The following MID1 variants were observed in gnomAD, a reference collection of about 807,000 sequenced individuals.
The protein encoded by MID1 is E3 ubiquitin-protein ligase Midline-1.
MID1 carries 7 observed loss-of-function variants against 40.4 expected under a neutral mutation model. The ratio of observed to expected loss-of-function variants is 0.17; its 90% CI spans 0.10 to 0.33. The LOEUF (loss-of-function observed/expected upper bound fraction) is 0.33. Among genes scored for constraint, MID1 ranks in the 10% least tolerant of loss-of-function variants. MID1 has a pLI of 1.00. For synonymous variants in MID1, 229 were observed against 221.2 expected, an observed-to-expected ratio of 1.04 and a Z score of -0.31; for missense variants, 367 against 558.5, an observed-to-expected ratio of 0.66 and a Z score of 3.46.
At chrX:10,532,771 GT>G (rs55826454) in intron 2 of MID1, among the ~76,000 whole-genome samples, 26,863 of 101,533 alleles carry the variant, frequency 0.26, 3,276 homozygotes, top group Non-Finnish European at 0.37. Context: ...GCTAAGAATG[GT>G]TTTTTTTTTT....
At chrX:10,639,903 T>A (rs190260057) in intron 1 of MID1, among the ~76,000 whole-genome samples, 1,283 of 111,537 alleles carry the variant, frequency 0.012, 17 homozygotes, top group African/African-American at 0.04. Context: ...GAATTTCATA[T>A]CCAGCCAAAC....
At chrX:10,559,448 T>C (rs944761253) in intron 2 of MID1, among the ~76,000 whole-genome samples, 2 of 112,715 alleles carry the variant, frequency 1.8e-5, no homozygotes, top group Admixed American at 9.4e-5. Context: ...AAACATCATA[T>C]AGTCTGTCTG....
chrX:10,533,160 T>C (rs887722778), intron 2 of MID1, among the ~76,000 whole-genome samples: 6 of 109,965 alleles, frequency 5.5e-5, no homozygotes, highest in Non-Finnish European at 1.1e-4. Flanking sequence ...CACATTTCTG[T>C]AGCCATAAAG....
chrX:10,656,676 A>G (rs952017081), intron 1 of MID1, among the ~76,000 whole-genome samples: 6 of 110,990 alleles, frequency 5.4e-5, no homozygotes, highest in African/African-American at 1.6e-4. Context: ...TCTGGGTTAG[A>G]GCTGGGTCTG....
intron 2 of MID1, among the ~76,000 whole-genome samples, chrX:10,532,490 T>C (rs1204008581): frequency 9.0e-6 from 1 of 111,107 alleles, no homozygotes; most frequent in Admixed American, 9.6e-5. Flanking sequence ...TGAGTTATGA[T>C]TGCACCACTG....
chrX:10,660,555 A>T lies in MID1; in HGVS notation c.-186-40136T>A, dbSNP rs144761122. Among the ~76,000 whole-genome samples, 361 of 112,666 alleles carry T rather than the reference A, an allele frequency of 3.2e-3. 2 individuals are homozygous for T. The highest frequency in any genetic ancestry group is 0.011 in the African/African-American group (346 of 31,052). On this transcript the variant is annotated intron_variant, in intron 1 of 10. Transcript: ENST00000380785. ...CTTTCAGAATCGATTCTGCAGGGGA[A>T]AAAGAATACACAATGACAAAGCCCT...
intron 1 of MID1, among the ~76,000 whole-genome samples, chrX:10,807,719 C>A (rs949057811): frequency 8.9e-6 from 1 of 112,639 alleles, no homozygotes; most frequent in Non-Finnish European, 1.9e-5. Context: ...AAAATGTTCT[C>A]TGCTTTTATG....
intron 2 of MID1, among the ~76,000 whole-genome samples, chrX:10,554,708 C>G (rs146626089): frequency 9.0e-6 from 1 of 110,885 alleles, no homozygotes; most frequent in Non-Finnish European, 1.9e-5. Context: ...AATAGCATCT[C>G]CCTCCAAGCT....
chrX:10,699,979 C>G lies in MID1; in HGVS notation c.-186-79560G>C, dbSNP rs764663467. On this transcript the variant is annotated intron_variant, in intron 1 of 10. Coordinates refer to the MID1 transcript ENST00000380785. The stretch of plus-strand genomic sequence containing the variant: ...CTGGGATTACAGACATGTGCCACCA[C>G]GCCCGGCTAATTTTGTATTTTTAGT... Among the ~76,000 whole-genome samples, 18 of 109,559 alleles carry G rather than the reference C, an allele frequency of 1.6e-4. No homozygotes were observed. The East Asian group carries it at 4.9e-3, about 30-fold the overall frequency.
rs1172327892 is a variant in MID1, at chrX:10,565,807, A to ATTTTT, written c.660+1076_660+1080dup. On this transcript the variant is annotated intron_variant, in intron 2 of 9. Coordinates refer to ENST00000317552, the MANE Select transcript of MID1 (RefSeq NM_000381.4). ...GCTTTCTATCCATACTTAGAGAGTG[A>ATTTTT]TTTTTTTTTTTTTTTTTTTTGAGAG... Among the ~76,000 whole-genome samples the ATTTTT allele has an allele frequency of 1.1e-4, 10 of 87,000 alleles. 1 individual carries two copies. The highest frequency in any genetic ancestry group is 4.0e-4 in the African/African-American group (9 of 22,638). The allele number at this position is 87,000 out of a possible 115,157, so 75.5% of individuals were successfully genotyped here. A position where few individuals can be genotyped will look rare whatever the true frequency, so the allele number is the denominator to read the frequency against.
intron 1 of MID1, among the ~76,000 whole-genome samples, chrX:10,710,287 C>G (rs145798167): frequency 0.012 from 1,307 of 111,182 alleles, 22 homozygotes; most frequent in African/African-American, 0.04. Flanking sequence ...AGAAGGATGC[C>G]ACAATCCAAC....
rs376241755 is a variant in MID1 at position 10,455,002 on chromosome X, C to T, written c.1523G>A (p.Arg508His). The T allele has an allele frequency of 2.5e-6, 3 of 1,208,772 alleles. No individual in the cohort carries two copies. The highest frequency in any genetic ancestry group is 3.5e-5 in the African/African-American group (2 of 57,136). Reference protein sequence around the residue: ...KVSHDNLTVERDESSSKKSHT... With the variant: ...KVSHDNLTVEHDESSSKKSHT... ...ACTCTTCTTGGATGATGACTCATCA[C>T]GTTCTACTGTCAAGTTATCATGGGA... The change falls in exon 9 of 10, where the codon CGT becomes CAT. Residue 508 changes from arginine (R) to histidine (H), a missense_variant. Arg to His is a conservative substitution (Grantham distance 29, BLOSUM62 0). Coordinates refer to ENST00000317552, the MANE Select transcript of MID1 (RefSeq NM_000381.4).
At chrX:10,671,750 C>T (rs1372663736) in intron 1 of MID1, among the ~76,000 whole-genome samples, 4 of 111,326 alleles carry the variant, frequency 3.6e-5, no homozygotes, top group Admixed American at 1.9e-4. Flanking sequence ...GTCATGTTCT[C>T]GACCTCTCTC....
chrX:10,786,249 A>T (rs2043882302), intron 1 of MID1, among the ~76,000 whole-genome samples: 1 of 111,696 alleles, frequency 9.0e-6, no homozygotes, highest in Admixed American at 9.5e-5. Context: ...AGAGAAATGC[A>T]AATCAAAACC....
At chrX:10,819,458 T>A (rs2044160705) in intron 1 of MID1, among the ~76,000 whole-genome samples, 1 of 111,839 alleles carries the variant, frequency 8.9e-6, no homozygotes, top group Non-Finnish European at 1.9e-5. Flanking sequence ...TATTTTTATC[T>A]CCCCAGTCAT....
At chrX:10,811,124 A>C (rs974319113) in intron 1 of MID1, among the ~76,000 whole-genome samples, 2 of 111,555 alleles carry the variant, frequency 1.8e-5, no homozygotes, top group Non-Finnish European at 3.8e-5. Context: ...AGCTTATGAC[A>C]ACAATGTCAT....
At chrX:10,621,427 T>A (rs1569130597), upstream of MID1, among the ~76,000 whole-genome samples, 1 of 112,136 alleles carries the variant, frequency 8.9e-6, no homozygotes, top group Non-Finnish European at 1.9e-5. Flanking sequence ...ATAACTTTTT[T>A]CAACTCTTAG....
At chrX:10,530,201 C>T (rs1239725751) in intron 2 of MID1, among the ~76,000 whole-genome samples, 1 of 112,058 alleles carries the variant, frequency 8.9e-6, no homozygotes, top group African/African-American at 3.2e-5. Context: ...TTATCACTAA[C>T]ACATCAACTT....
intron 4 of MID1, among the ~76,000 whole-genome samples, chrX:10,489,256 ATTTTC>A (rs893508885): frequency 2.7e-5 from 3 of 111,971 alleles, no homozygotes; most frequent in Admixed American, 9.5e-5. Context: ...ACATATAAAT[ATTTTC>A]TTTTATGGAT....
Sources: gnomAD v4.1 joint callset for allele counts (sites outside exome capture counted in the v4.1 genomes callset) on GRCh38, gnomAD v4.1.1 for gene constraint, MANE v1.5 for transcripts, NCBI Gene and HGNC (gene_info 2026-07-23, HGNC 2026-07-21) for gene names.